KDM4B: variants seen among roughly 807,000 people sequenced by gnomAD.
KDM4B encodes lysine-specific demethylase 4B.
KDM4B carries 32 observed loss-of-function variants against 125.2 expected under a neutral mutation model. The observed-to-expected ratio is 0.26, with a 90% CI of 0.19 to 0.34. KDM4B has a LOEUF of 0.34. Ranked by LOEUF, KDM4B falls within the 10% of genes least tolerant of loss-of-function variation. KDM4B has a pLI of 1.00. For synonymous variants in KDM4B, 721 were observed against 677.9 expected, an observed-to-expected ratio of 1.06 and a Z score of -0.99; for missense variants, 1,190 against 1,577.7, an observed-to-expected ratio of 0.75 and a Z score of 4.16.
rs191595623 is a variant in KDM4B at position 5,143,279 on chromosome 19, C to T, written c.2551-688C>T. ...TGGAGACCGCAGTGAGCTATGATCGCGCCGTGTGCTCCAGCCTGGGTGACA... is the reference window on the plus strand; with the variant it reads ...TGGAGACCGCAGTGAGCTATGATCGTGCCGTGTGCTCCAGCCTGGGTGACA... On this transcript the variant is annotated intron_variant, in intron 18 of 22. Transcript: ENST00000159111. 3.6e-4 allele frequency among the ~76,000 whole-genome samples: 54 copies of T among 150,882 alleles called. No homozygotes were observed. The East Asian group carries it at 9.7e-3, about 27-fold the overall frequency.
chr19:5,138,943 C>A (rs1481471790), intron 18 of KDM4B, among the ~76,000 whole-genome samples: 1 of 152,178 alleles, frequency 6.6e-6, no homozygotes, highest in Non-Finnish European at 1.5e-5. Context: ...TCTTAAGAGA[C>A]AGGGTCTCTC....
chr19:4,978,069 GGA>G (rs1356043158), intron 1 of KDM4B, among the ~76,000 whole-genome samples: 1 of 152,202 alleles, frequency 6.6e-6, no homozygotes, highest in Non-Finnish European at 1.5e-5. Context: ...GTCTTGCTCA[GGA>G]GAGAGAGAAG....
At chr19:5,026,222 C>G (rs571348460) in intron 2 of KDM4B, among the ~76,000 whole-genome samples, 1 of 150,486 alleles carries the variant, frequency 6.6e-6, no homozygotes, top group Non-Finnish European at 1.5e-5. Flanking sequence ...CTCCCAGCTT[C>G]CTCTGCGGTC....
intron 1 of KDM4B, among the ~76,000 whole-genome samples, chr19:5,006,115 C>G (rs10412270): frequency 0.36 from 54,343 of 151,758 alleles, 10,193 homozygotes; most frequent in Non-Finnish European, 0.42. Flanking sequence ...CGGCAGGGAG[C>G]CAGGATGGTG....
intron 9 of KDM4B, among the ~76,000 whole-genome samples, chr19:5,093,338 T>C (rs953902190): frequency 7.9e-5 from 12 of 152,122 alleles, no homozygotes; most frequent in Middle Eastern, 3.2e-3. Flanking sequence ...CATGGAAGGC[T>C]GCGGAAGGCC....
intron 1 of KDM4B, among the ~76,000 whole-genome samples, chr19:4,976,595 C>T (rs1043345657): frequency 2.0e-5 from 3 of 152,222 alleles, no homozygotes; most frequent in Admixed American, 6.5e-5. Flanking sequence ...TTGTAAGCAT[C>T]GGAACTCTCC....
At chr19:5,140,458 AGGCCT>A (rs1324489842) in intron 18 of KDM4B, 1 of 152,394 alleles carries the variant, frequency 6.6e-6, no homozygotes, top group African/African-American at 2.4e-5. Context: ...TGAGGAGGCC[AGGCCT>A]GGTGGCTCAT....
intron 1 of KDM4B, among the ~76,000 whole-genome samples, chr19:5,006,003 CT>C (rs2035545740): frequency 6.6e-6 from 1 of 152,162 alleles, no homozygotes; most frequent in African/African-American, 2.4e-5. Context: ...ATCACCTGAT[CT>C]GGGGGCTGTG....
At chr19:5,137,222 C>G (rs761303246) in intron 15 of KDM4B, 40 bp from the exon 16 acceptor site, 6 of 1,513,144 alleles carry the variant, frequency 4.0e-6, no homozygotes, top group Non-Finnish European at 5.4e-6. Context: ...CCAAGTCTCA[C>G]CTGCCCCCCA....
chr19:5,137,511 G>A (rs1568321186), intron 16 of KDM4B, 110 bp from the exon 17 acceptor site: 1 of 1,292,956 alleles, frequency 7.7e-7, no homozygotes, highest in South Asian at 1.3e-5. Context: ...TGGCTGCTAG[G>A]TTGAAATATA....
At chr19:4,989,452 C>G (rs756389968) in intron 1 of KDM4B, among the ~76,000 whole-genome samples, 1 of 152,170 alleles carries the variant, frequency 6.6e-6, no homozygotes, top group Non-Finnish European at 1.5e-5. Flanking sequence ...ATTCTCCTGC[C>G]TCAGCCTCCC....
chr19:5,143,385 C>G (rs541204956), intron 18 of KDM4B, among the ~76,000 whole-genome samples: 2 of 152,060 alleles, frequency 1.3e-5, no homozygotes, highest in African/African-American at 4.8e-5. Flanking sequence ...TTTTTTAGTA[C>G]ATTCTGAGTT....
In KDM4B at chr19:4,981,697, A is replaced by T. The variant is rs527917241; in HGVS notation, c.-109+12467A>T. Among the ~76,000 whole-genome samples the T allele has an allele frequency of 1.3e-3, 197 of 152,276 alleles. 1 individual carries two copies. The highest frequency in any genetic ancestry group is 2.4e-3 in the Non-Finnish European group (161 of 67,992). ...CAGGCACCGGCGGTGCTGTACAGTCAGCCCAGTGCCAAGCCCCACCTCTTC... is the reference window on the plus strand; with the variant it reads ...CAGGCACCGGCGGTGCTGTACAGTCTGCCCAGTGCCAAGCCCCACCTCTTC... On this transcript the variant is annotated intron_variant, in intron 1 of 22. Transcript: ENST00000159111.
At chr19:5,048,478 C>T (rs952759416) in intron 6 of KDM4B, among the ~76,000 whole-genome samples, 2 of 152,274 alleles carry the variant, frequency 1.3e-5, no homozygotes, top group African/African-American at 2.4e-5. Flanking sequence ...TTCCCGGGGC[C>T]GCGCTCATGC....
intron 6 of KDM4B, among the ~76,000 whole-genome samples, chr19:5,057,067 C>T (rs2602726): frequency 0.024 from 2,382 of 99,542 alleles, 53 homozygotes; most frequent in African/African-American, 0.1. Flanking sequence ...TGTGTGTGTG[C>T]GCGCGCGCGC....
intron 11 of KDM4B, among the ~76,000 whole-genome samples, chr19:5,130,270 C>T (rs536765666): frequency 1.3e-5 from 2 of 152,306 alleles, no homozygotes; most frequent in South Asian, 4.2e-4. Context: ...GTCCCACATC[C>T]ACATGTCCAG....
intron 10 of KDM4B, chr19:5,113,881 T>C (rs2039201684): frequency 1.0e-6 from 1 of 985,378 alleles, no homozygotes; most frequent in Non-Finnish European, 1.2e-6. Context: ...CTCATGTGTT[T>C]ACCAGGTGCC....
At chr19:5,020,676 G>T (rs1294998711) in intron 2 of KDM4B, among the ~76,000 whole-genome samples, 1 of 152,216 alleles carries the variant, frequency 6.6e-6, no homozygotes, top group Non-Finnish European at 1.5e-5. Context: ...TGCTTCCCGT[G>T]CCTCGGCTGT....
chr19:5,136,356 C>T (rs978831095), intron 15 of KDM4B, among the ~76,000 whole-genome samples: 2 of 152,168 alleles, frequency 1.3e-5, no homozygotes, highest in Admixed American at 6.5e-5. Flanking sequence ...CACGGGGGGG[C>T]GGTGGCAGGA....
Sources: allele counts gnomAD v4.1 joint callset (sites outside exome capture counted in the v4.1 genomes callset), GRCh38; gene constraint gnomAD v4.1.1; transcripts MANE v1.5; gene names NCBI Gene and HGNC (gene_info 2026-07-23, HGNC 2026-07-21).